The following ADK variants were observed in gnomAD, a reference collection of about 807,000 sequenced individuals.
The protein encoded by ADK is N6,N6-dimethyladenosine kinase.
A neutral mutation model predicts 44.7 loss-of-function variants in ADK; 24 were observed. The observed-to-expected ratio is 0.54, with a 90% CI of 0.39 to 0.76. The LOEUF is 0.76. ADK is among the 30% of genes least tolerant of loss of function. The pLI is 0.00. For missense variants in ADK, 321 were observed against 425.1 expected (o/e 0.76, Z 2.15); for synonymous variants, 128 against 142.6 (o/e 0.90, Z 0.73).
At chr10:74,177,943 ATATTT>A (rs1313622793) in intron 1 of ADK, among the ~76,000 whole-genome samples, 93 of 56,856 alleles carry the variant, frequency 1.6e-3, no homozygotes, top group African/African-American at 4.8e-3. Context: ...ATATATATAT[ATATTT>A]TTTTTTTTTT....
chr10:74,441,900 T>C (rs1295690971), intron 6 of ADK, among the ~76,000 whole-genome samples: 1 of 152,064 alleles, frequency 6.6e-6, no homozygotes, highest in African/African-American at 2.4e-5. Flanking sequence ...AGGACCTGAA[T>C]AGACATTTTC....
At chr10:74,678,143 C>CA (rs35650817) in intron 10 of ADK, among the ~76,000 whole-genome samples, 11,502 of 59,134 alleles carry the variant, frequency 0.19, 987 homozygotes, top group African/African-American at 0.32. Context: ...CCTGTCTCTA[C>CA]AAAAAAAAAA....
chr10:74,318,419 C>T (rs1840702553), intron 4 of ADK, among the ~76,000 whole-genome samples: 2 of 152,156 alleles, frequency 1.3e-5, no homozygotes, highest in South Asian at 4.1e-4. Context: ...GTGTTGGCCT[C>T]CCAAAGTGCG....
chr10:74,448,513 A>G (rs1175733606), intron 6 of ADK, among the ~76,000 whole-genome samples: 2 of 152,316 alleles, frequency 1.3e-5, no homozygotes, highest in East Asian at 1.9e-4. Flanking sequence ...TATTTATTAC[A>G]TGCAATTTCA....
chr10:74,209,390 T>G (rs934216061), intron 2 of ADK, among the ~76,000 whole-genome samples: 12 of 152,142 alleles, frequency 7.9e-5, no homozygotes, highest in African/African-American at 2.7e-4. Context: ...AGAAATATAT[T>G]TCTATTGTTT....
chr10:74,151,353 GCCGGACT>G lies in ADK; in HGVS notation c.65+11_65+17del. 1.3e-6 allele frequency: 2 copies of G among 1,549,516 alleles called. No homozygotes were observed. The highest frequency in any genetic ancestry group is 2.4e-5 in the South Asian group (2 of 83,976). Reference sequence around the variant, plus strand: ...CGCCGCAAGCGCTGAGGTGAGCGCTGCCGGACTTGGGGAGGAGGGTGACGGCGCTGCA... The same window carrying G: ...CGCCGCAAGCGCTGAGGTGAGCGCTGTGGGGAGGAGGGTGACGGCGCTGCA... On this transcript the variant is annotated intron_variant, in intron 1 of 10. Coordinates refer to ENST00000539909, the MANE Select transcript of ADK (RefSeq NM_006721.4).
chr10:74,258,947 G>GTTTTTTTTTTTTTT (rs141424052), intron 3 of ADK, among the ~76,000 whole-genome samples: 3 of 96,128 alleles, frequency 3.1e-5, no homozygotes, highest in East Asian at 2.7e-4. Context: ...TTGTTTTTGT[G>GTTTTTTTTTTTTTT]TTTTTTTTTT....
chr10:74,317,310 T>C (rs1012571779), intron 4 of ADK, among the ~76,000 whole-genome samples: 2 of 152,194 alleles, frequency 1.3e-5, no homozygotes, highest in Non-Finnish European at 2.9e-5. Context: ...TATATAACAC[T>C]GCTAAAAAGG....
intron 9 of ADK, among the ~76,000 whole-genome samples, chr10:74,609,050 G>T (rs931167929): frequency 6.6e-6 from 1 of 152,118 alleles, no homozygotes; most frequent in East Asian, 1.9e-4. Context: ...GGGGAAAACC[G>T]CCTACTCAAG....
At chr10:74,555,436 C>G (rs1287069951) in intron 7 of ADK, among the ~76,000 whole-genome samples, 1 of 151,606 alleles carries the variant, frequency 6.6e-6, no homozygotes, top group East Asian at 1.9e-4. Flanking sequence ...AGAGAATTGT[C>G]AGAAAAACTT....
At chr10:74,569,168 G>C (rs1850826800) in intron 7 of ADK, among the ~76,000 whole-genome samples, 1 of 152,068 alleles carries the variant, frequency 6.6e-6, no homozygotes, top group African/African-American at 2.4e-5. Context: ...TCTTAATCCA[G>C]TCTATCATTG....
chr10:74,502,102 C>A (rs947897055), intron 6 of ADK, among the ~76,000 whole-genome samples: 1 of 152,092 alleles, frequency 6.6e-6, no homozygotes, highest in African/African-American at 2.4e-5. Flanking sequence ...AACTAAAACT[C>A]ATCAAGATTA....
chr10:74,655,736 G>A, intron 9 of ADK: 1 of 487,864 alleles, frequency 2.0e-6, no homozygotes, highest in East Asian at 5.2e-5. Flanking sequence ...AGGAGGAATT[G>A]CTGTTCCTCC....
intron 3 of ADK, among the ~76,000 whole-genome samples, chr10:74,237,109 G>A (rs1436085811): frequency 6.6e-6 from 1 of 152,152 alleles, no homozygotes; most frequent in African/African-American, 2.4e-5. Flanking sequence ...AAATTTCTCT[G>A]TAATATGCAA....
chr10:74,190,196 A>G (rs1462658734), intron 1 of ADK, among the ~76,000 whole-genome samples: 1 of 152,232 alleles, frequency 6.6e-6, no homozygotes, highest in Non-Finnish European at 1.5e-5. Context: ...TATAATTTGC[A>G]ACAGCAATGT....
chr10:74,687,567 A>G (rs1057195833), intron 10 of ADK, among the ~76,000 whole-genome samples: 8 of 152,226 alleles, frequency 5.3e-5, no homozygotes, highest in African/African-American at 1.9e-4. Flanking sequence ...GATGGGCTCT[A>G]TAAACATTGT....
intron 4 of ADK, among the ~76,000 whole-genome samples, chr10:74,392,096 T>A (rs1279875988): frequency 6.6e-6 from 1 of 152,210 alleles, no homozygotes; most frequent in Non-Finnish European, 1.5e-5. Flanking sequence ...TTCTTGGCTA[T>A]CATGAATATT....
chr10:74,293,650 T>C (rs1839707191), intron 3 of ADK, among the ~76,000 whole-genome samples: 1 of 152,230 alleles, frequency 6.6e-6, no homozygotes, highest in African/African-American at 2.4e-5. Flanking sequence ...TCTGTTTACC[T>C]TACTCTGTGA....
chr10:74,572,272 T>C (rs981321919), intron 7 of ADK, among the ~76,000 whole-genome samples: 5 of 152,234 alleles, frequency 3.3e-5, no homozygotes, highest in Admixed American at 1.3e-4. Context: ...AAGCTTAGTT[T>C]GGCTGGATAT....
Sources: gnomAD v4.1 joint callset for allele counts (sites outside exome capture counted in the v4.1 genomes callset) on GRCh38, gnomAD v4.1.1 for gene constraint, MANE v1.5 for transcripts, NCBI Gene and HGNC (gene_info 2026-07-23, HGNC 2026-07-21) for gene names.